Variants in ELF5 observed in about 807,000 individuals in gnomAD.
ELF5 encodes ETS-related transcription factor Elf-5.
A neutral mutation model predicts 38.2 loss-of-function variants in ELF5; 31 were observed. The observed-to-expected ratio is 0.81, with a 90% confidence interval of 0.61 to 1.10. ELF5 has a LOEUF of 1.10. ELF5 is among the 50% of genes least tolerant of loss of function. The probability of loss-of-function intolerance (pLI) is 0.00; values close to 1 mark genes in which losing one functional copy is unlikely to be tolerated. For missense variants in ELF5, 300 were observed against 306.6 expected, an observed-to-expected ratio of 0.98 and a Z score of 0.16; for synonymous variants, 121 against 112.5, an observed-to-expected ratio of 1.08 and a Z score of -0.48.
intron 2 of ELF5, among the ~76,000 whole-genome samples, chr11:34,497,843 A>G (rs1850354158): frequency 6.6e-6 from 1 of 152,194 alleles, no homozygotes; most frequent in Non-Finnish European, 1.5e-5. Context: ...CCTGGCCATC[A>G]CTTTGTGATG....
At chr11:34,507,631 G>GC (rs1264421622) in intron 1 of ELF5, among the ~76,000 whole-genome samples, 1 of 152,140 alleles carries the variant, frequency 6.6e-6, no homozygotes, top group African/African-American at 2.4e-5. Flanking sequence ...TGCTTCCCAT[G>GC]TTCCCACATG....
At chr11:34,486,346 C>G (rs1476400496) in intron 4 of ELF5, among the ~76,000 whole-genome samples, 1 of 151,966 alleles carries the variant, frequency 6.6e-6, no homozygotes, top group Non-Finnish European at 1.5e-5. Context: ...AGAGAAGAGA[C>G]CAAGCAGAAA....
At chr11:34,491,145 C>G (rs555835394) in intron 3 of ELF5, among the ~76,000 whole-genome samples, 99 of 152,194 alleles carry the variant, frequency 6.5e-4, no homozygotes, top group African/African-American at 2.4e-3. Flanking sequence ...GAGGTAATAA[C>G]CCCCAGTCAA....
chr11:34,484,965 A>G (rs1175150717), intron 4 of ELF5, among the ~76,000 whole-genome samples: 1 of 152,170 alleles, frequency 6.6e-6, no homozygotes, highest in Non-Finnish European at 1.5e-5. Context: ...AGCCCCATAG[A>G]GAGCACCTGT....
At chr11:34,491,320 C>T (rs1213435129) in intron 3 of ELF5, among the ~76,000 whole-genome samples, 1 of 152,130 alleles carries the variant, frequency 6.6e-6, no homozygotes, top group Non-Finnish European at 1.5e-5. Flanking sequence ...CTACAATCCA[C>T]ATATCTGATT....
rs11388919 is a variant in ELF5 at position 34,479,688 on chromosome 11, C to CAA, written c.*528_*529dup. ...TGGGCAACATAGTGAGAACCCGTCT[C>CAA]AAAAAAAAAAAAAGGGATACTTTTC... On this transcript the variant is annotated 3_prime_UTR_variant, in exon 7 of 7. Coordinates refer to ENST00000257832, the MANE Select transcript of ELF5 (RefSeq NM_001422.4). 6.0e-3 allele frequency: 819 copies of CAA among 137,404 alleles called. 14 individuals carry two copies. The highest frequency in any genetic ancestry group is 0.041 in the East Asian group (197 of 4,772). 8.5% of individuals were successfully genotyped at this position (137,404 alleles called of 1,614,324 possible). A position where few individuals can be genotyped will look rare whatever the true frequency, so the allele number is the denominator to read the frequency against.
intron 2 of ELF5, among the ~76,000 whole-genome samples, chr11:34,495,509 T>C (rs1398735961): frequency 1.3e-5 from 2 of 152,190 alleles, no homozygotes; most frequent in Non-Finnish European, 2.9e-5. Context: ...GTAGGTGTAA[T>C]TGGGCTATTC....
At chr11:34,500,793 A>G (rs1850445543) in intron 2 of ELF5, among the ~76,000 whole-genome samples, 1 of 152,250 alleles carries the variant, frequency 6.6e-6, no homozygotes. Flanking sequence ...GCTTCTGTAC[A>G]TAAAACATGA....
chr11:34,499,827 C>A (rs189143475), intron 2 of ELF5, among the ~76,000 whole-genome samples: 41 of 152,282 alleles, frequency 2.7e-4, no homozygotes, highest in Admixed American at 2.6e-3. Context: ...GGCAACTGAG[C>A]CTGGGCTGTG....
At chr11:34,511,766 C>G in intron 1 of ELF5, 1 of 612,126 alleles carries the variant, frequency 1.6e-6, no homozygotes, top group Non-Finnish European at 2.8e-6. Context: ...TGCTCAGCCT[C>G]CCAGAGAGAG....
At chr11:34,506,031 A>G (rs1850607164) in intron 1 of ELF5, among the ~76,000 whole-genome samples, 1 of 152,208 alleles carries the variant, frequency 6.6e-6, no homozygotes, top group Admixed American at 6.5e-5. Flanking sequence ...GGACTGGAGC[A>G]TGGAGGCTCT....
chr11:34,511,646 G>A, intron 1 of ELF5: 1 of 1,588,488 alleles, frequency 6.3e-7, no homozygotes. Flanking sequence ...AATGCACACA[G>A]AGAGGGTCCA....
chr11:34,483,532 CTA>C (rs936417905), intron 4 of ELF5, among the ~76,000 whole-genome samples: 23 of 152,078 alleles, frequency 1.5e-4, no homozygotes, highest in African/African-American at 5.3e-4. Flanking sequence ...CCATACTGTA[CTA>C]TGCTAACTAT....
chr11:34,480,431 G>T, intron 6 of ELF5, 117 bp from the exon 7 acceptor site: 1 of 809,074 alleles, frequency 1.2e-6, no homozygotes, highest in Non-Finnish European at 2.0e-6. Flanking sequence ...TGGTTACCCT[G>T]GTATTTTCAT....
chr11:34,501,790 G>A (rs1850477481), intron 2 of ELF5, among the ~76,000 whole-genome samples: 1 of 152,150 alleles, frequency 6.6e-6, no homozygotes, highest in Non-Finnish European at 1.5e-5. Flanking sequence ...CCAGGGCACA[G>A]ATTCAGCGGC....
intron 2 of ELF5, among the ~76,000 whole-genome samples, chr11:34,500,284 G>A (rs533919439): frequency 5.3e-4 from 80 of 152,302 alleles, no homozygotes; most frequent in African/African-American, 1.9e-3. Context: ...ACTGAAGAGA[G>A]GTGGTGAATG....
At chr11:34,485,386 A>T (rs1455939036) in intron 4 of ELF5, among the ~76,000 whole-genome samples, 1 of 152,228 alleles carries the variant, frequency 6.6e-6, no homozygotes, top group Non-Finnish European at 1.5e-5. Context: ...TATGTCTATT[A>T]CTACCCCCAG....
intron 1 of ELF5, among the ~76,000 whole-genome samples, chr11:34,512,314 C>T (rs11032732): frequency 0.12 from 17,834 of 152,110 alleles, 1,320 homozygotes; most frequent in Non-Finnish European, 0.17. Context: ...AGGGAGTTTG[C>T]GTGTTTGTTT....
intron 4 of ELF5, among the ~76,000 whole-genome samples, chr11:34,489,565 A>G (rs1457121357): frequency 1.3e-5 from 2 of 152,238 alleles, no homozygotes; most frequent in Admixed American, 1.3e-4. Context: ...GAGATCCTCC[A>G]TCGTCTTATA....
Sources: gnomAD v4.1 joint callset for allele counts (sites outside exome capture counted in the v4.1 genomes callset) on GRCh38, gnomAD v4.1.1 for gene constraint, MANE v1.5 for transcripts, NCBI Gene and HGNC (gene_info 2026-07-23, HGNC 2026-07-21) for gene names.